The following SLC8A1 variants were observed in gnomAD, a reference collection of about 807,000 sequenced individuals.
SLC8A1 encodes sodium/calcium exchanger 1.
Under a neutral mutation model 68.3 loss-of-function variants are expected in SLC8A1, and 18 were observed. The ratio of observed to expected loss-of-function variants is 0.26; its 90% CI spans 0.18 to 0.39. The LOEUF (loss-of-function observed/expected upper bound fraction) is 0.39. Among genes scored for constraint, SLC8A1 ranks in the 10% least tolerant of loss-of-function variants. The pLI is 1.00. For synonymous variants in SLC8A1, 475 were observed against 415.5 expected (o/e 1.14, Z -1.74); for missense variants, 985 against 1,156.7 (o/e 0.85, Z 2.15).
intron 2 of SLC8A1, among the ~76,000 whole-genome samples, chr2:40,327,048 C>G (rs931487037): frequency 6.6e-6 from 1 of 152,038 alleles, no homozygotes; most frequent in Non-Finnish European, 1.5e-5. Context: ...TACAATATAC[C>G]TATTTTAAAA....
intron 2 of SLC8A1, among the ~76,000 whole-genome samples, chr2:40,330,135 C>T (rs957958962): frequency 4.6e-5 from 7 of 152,132 alleles, no homozygotes; most frequent in African/African-American, 7.2e-5. Flanking sequence ...GACTATCCTA[C>T]GCTATTTATT....
intron 2 of SLC8A1, among the ~76,000 whole-genome samples, chr2:40,309,045 G>A (rs1033082901): frequency 1.3e-5 from 2 of 151,958 alleles, no homozygotes; most frequent in African/African-American, 4.8e-5. Flanking sequence ...GAAATAACTA[G>A]TTGAACCAAT....
chr2:40,454,643 G>A (rs148377535), upstream of SLC8A1, among the ~76,000 whole-genome samples: 1,198 of 152,238 alleles, frequency 7.9e-3, 14 homozygotes, highest in African/African-American at 0.028. Context: ...CTATTGGAGA[G>A]GCAGCCTAGT....
intron 7 of SLC8A1, among the ~76,000 whole-genome samples, chr2:40,120,478 A>T (rs1011714064): frequency 6.6e-6 from 1 of 152,128 alleles, no homozygotes; most frequent in African/African-American, 2.4e-5. Flanking sequence ...ACTTTTTTAG[A>T]TTGCAGTTTC....
At chr2:40,346,925 A>C (rs1194442577) in intron 2 of SLC8A1, among the ~76,000 whole-genome samples, 1 of 152,180 alleles carries the variant, frequency 6.6e-6, no homozygotes, top group Non-Finnish European at 1.5e-5. Flanking sequence ...TAATCAGCCC[A>C]CACACAAGCA....
upstream of SLC8A1, among the ~76,000 whole-genome samples, chr2:40,452,865 C>A (rs1308408246): frequency 6.6e-6 from 1 of 151,964 alleles, no homozygotes; most frequent in African/African-American, 2.4e-5. Flanking sequence ...GAGTCTGTTT[C>A]GTGTGAAAGG....
chr2:40,511,569 C>A (rs758531918), intron 1 of SLC8A1, among the ~76,000 whole-genome samples: 6 of 152,102 alleles, frequency 3.9e-5, no homozygotes, highest in Non-Finnish European at 5.9e-5. Context: ...TTGCATCATT[C>A]CTGAGACACA....
exon 8 of SLC8A1, chr2:40,102,707 T>C (rs1370895554): frequency 6.6e-6 from 1 of 152,172 alleles, no homozygotes; most frequent in South Asian, 2.1e-4. Context: ...CTACCAAGAT[T>C]GCTTAAGGCA....
intron 2 of SLC8A1, among the ~76,000 whole-genome samples, chr2:40,369,094 G>T (rs1389730374): frequency 6.6e-6 from 1 of 151,902 alleles, no homozygotes; most frequent in Admixed American, 6.6e-5. Context: ...TTTAGGAGAC[G>T]ACCTAGGCAA....
At position 40,283,749 on chromosome 2, in the gene SLC8A1, C is replaced by G. The variant is rs116384217; in HGVS notation, c.1809-105894G>C. ...AAAACAACTCATTCTCTAGAAGAAT[C>G]TGAATGCCCACTATATCCTTGACAG... On this transcript the variant is annotated intron_variant, in intron 2 of 7. Transcript: ENST00000406785. Among the ~76,000 whole-genome samples, 248 of 152,286 alleles carry G rather than the reference C, an allele frequency of 1.6e-3. 1 individual carries two copies. Among genetic ancestry groups the G allele is most frequent in the African/African-American group, 5.8e-3 (239 of 41,558 alleles).
chr2:40,231,483 C>T (rs998264801), intron 2 of SLC8A1, among the ~76,000 whole-genome samples: 30 of 152,030 alleles, frequency 2.0e-4, no homozygotes, highest in Admixed American at 2.6e-4. Context: ...TCTAGTCCCC[C>T]ACTTTTCACA....
At chr2:40,326,674 T>C (rs1185819694) in intron 2 of SLC8A1, among the ~76,000 whole-genome samples, 2 of 152,206 alleles carry the variant, frequency 1.3e-5, no homozygotes, top group East Asian at 1.9e-4. Flanking sequence ...AAATTTCTGG[T>C]ACTGATCAAT....
chr2:40,116,613 G>A (rs2035468941), intron 7 of SLC8A1, among the ~76,000 whole-genome samples: 2 of 152,182 alleles, frequency 1.3e-5, no homozygotes, highest in Admixed American at 6.5e-5. Context: ...GTTATGAGGT[G>A]AGGGAACGAG....
chr2:40,349,402 A>C (rs563909784), intron 2 of SLC8A1, among the ~76,000 whole-genome samples: 29 of 152,276 alleles, frequency 1.9e-4, no homozygotes, highest in African/African-American at 6.5e-4. Context: ...ATGTTATTTC[A>C]AAAAAATACT....
chr2:40,170,808 T>C lies in SLC8A1; in HGVS notation c.1930+4017A>G, dbSNP rs182213297. On this transcript the variant is annotated intron_variant, in intron 4 of 7. Transcript: ENST00000406785. The stretch of plus-strand genomic sequence containing the variant: ...CATTATAGAAATAGTGTACTAGTGA[T>C]TGGGAAGCCTATTAGTGCCAACAAT... Among the ~76,000 whole-genome samples, 64 of 152,294 alleles carry C rather than the reference T, an allele frequency of 4.2e-4. 2 individuals are homozygous for C. Among genetic ancestry groups the C allele is most frequent in the African/African-American group, 1.4e-3 (60 of 41,560 alleles).
chr2:40,103,602 T>TA (rs2034027705), exon 8 of SLC8A1: 1 of 152,134 alleles, frequency 6.6e-6, no homozygotes, highest in African/African-American at 2.4e-5. Context: ...GACTAAAAAA[T>TA]AAAAGTAGAA....
intron 1 of SLC8A1, among the ~76,000 whole-genome samples, chr2:40,470,426 A>G (rs1260036442): frequency 6.6e-6 from 1 of 152,084 alleles, no homozygotes; most frequent in African/African-American, 2.4e-5. Flanking sequence ...AGCAAAAATT[A>G]CTGAAAACAA....
At chr2:40,464,431 A>G (rs544256365) in intron 1 of SLC8A1, among the ~76,000 whole-genome samples, 7 of 152,220 alleles carry the variant, frequency 4.6e-5, no homozygotes, top group Admixed American at 6.5e-5. Context: ...GACCCAGTCT[A>G]CTGTGCACTC....
intron 1 of SLC8A1, among the ~76,000 whole-genome samples, chr2:40,466,634 T>A (rs1331520298): frequency 6.6e-6 from 1 of 152,112 alleles, no homozygotes; most frequent in Non-Finnish European, 1.5e-5. Flanking sequence ...GCAATAAGGA[T>A]AAAGTGCTCT....
Sources: allele counts gnomAD v4.1 joint callset (sites outside exome capture counted in the v4.1 genomes callset), GRCh38; gene constraint gnomAD v4.1.1; transcripts MANE v1.5; gene names NCBI Gene and HGNC (gene_info 2026-07-23, HGNC 2026-07-21).